TBC1D28: variants seen among roughly 807,000 people sequenced by gnomAD.
TBC1D28 encodes the protein TBC1 domain family member 28.
A neutral mutation model predicts 29.2 loss-of-function variants in TBC1D28; 20 were observed. The observed-to-expected ratio is 0.68, with a 90% CI of 0.48 to 0.99. The LOEUF (loss-of-function observed/expected upper bound fraction) is 0.99, where lower values mean the gene tolerates loss of function less well. Among genes scored for constraint, TBC1D28 ranks in the 50% least tolerant of loss-of-function variants. The probability of loss-of-function intolerance (pLI) is 0.00; values close to 1 mark genes in which losing one functional copy is unlikely to be tolerated. For missense variants in TBC1D28, 205 were observed against 243.7 expected (o/e 0.84, Z 1.06); for synonymous variants, 65 against 90.9 (o/e 0.71, Z 1.62).
chr17:18,639,198 G>A lies in TBC1D28; in HGVS notation c.175C>T (p.Arg59Cys), dbSNP rs200420569. 3.3e-5 allele frequency: 53 copies of A among 1,612,216 alleles called. No homozygotes were observed. Among genetic ancestry groups the A allele is most frequent in the Admixed American group, 8.3e-5 (5 of 59,902 alleles). ...ACCTTCACCTCCAGGGCACTGACGC[G>A]GGGCAGCTCCATCTCACTGTAAGGC... Residue 59 changes from arginine (R) to cysteine (C), a missense_variant, in exon 5 of 9, where the codon CGC becomes TGC. Arg to Cys is a radical substitution (Grantham distance 180). Transcript: ENST00000345096.
At chr17:18,641,406 C>T (rs377010759) in intron 2 of TBC1D28, 53 bp from the exon 4 acceptor site, 62 of 1,195,828 alleles carry the variant, frequency 5.2e-5, no homozygotes, top group Non-Finnish European at 7.4e-5. Context: ...CTCCAGAGAA[C>T]AGCCAAACCA....
chr17:18,638,697 CT>C lies in TBC1D28; in HGVS notation c.202del (p.Arg68AspfsTer48). 1 of 1,614,012 alleles carries C rather than the reference CT, an allele frequency of 6.2e-7. No homozygotes were observed. The highest frequency in any genetic ancestry group is 8.5e-7 in the Non-Finnish European group (1 of 1,179,890). ...GTTGGTACGTTTACTTTCCTTGCGT[CT>C]TTGCTGTCAAATGAGCCATGATGGA... On this transcript the variant is annotated frameshift_variant, in exon 6 of 9. Transcript: ENST00000345096. LOFTEE classifies it high-confidence loss of function.
chr17:18,638,547 A>T, intron 6 of TBC1D28, 74 bp downstream of exon 7: 2 of 1,488,728 alleles, frequency 1.3e-6, no homozygotes, highest in Non-Finnish European at 1.8e-6. Context: ...GCACCCACCC[A>T]GGCCAAAACC....
At chr17:18,637,672 T>A (rs2031563242) in intron 8 of TBC1D28, among the ~76,000 whole-genome samples, 192 bp downstream of exon 9, 1 of 152,098 alleles carries the variant, frequency 6.6e-6, no homozygotes, top group Non-Finnish European at 1.5e-5. Flanking sequence ...TGGCCCTACA[T>A]GTCCCAGCCC....
At chr17:18,642,289 G>A (rs2031808534) in exon 1 of TBC1D28, 1 of 152,304 alleles carries the variant, frequency 6.6e-6, no homozygotes, top group African/African-American at 2.4e-5. Flanking sequence ...GTGTCCAGTG[G>A]GTCCCACAGC....
At chr17:18,635,014 C>T (rs1446987874) in exon 9 of TBC1D28, 1 of 152,548 alleles carries the variant, frequency 6.6e-6, no homozygotes, top group Non-Finnish European at 1.5e-5. Flanking sequence ...CCTGGCCGCC[C>T]GCTACTACTC....
upstream of TBC1D28, among the ~76,000 whole-genome samples, chr17:18,643,911 C>T (rs1470823096): frequency 6.6e-6 from 1 of 152,232 alleles, no homozygotes; most frequent in Non-Finnish European, 1.5e-5. Flanking sequence ...CCCTCCACCA[C>T]ACCCATAGGA....
chr17:18,636,892 C>T (rs1157887944), intron 8 of TBC1D28, among the ~76,000 whole-genome samples: 3 of 119,198 alleles, frequency 2.5e-5, no homozygotes, highest in African/African-American at 1.1e-4. Flanking sequence ...TTGGGACGTG[C>T]AGTTCCACGA....
intron 8 of TBC1D28, 52 bp downstream of exon 9, chr17:18,637,812 C>T: frequency 6.2e-7 from 1 of 1,613,032 alleles, no homozygotes; most frequent in Non-Finnish European, 8.5e-7. Flanking sequence ...AACCTCATTC[C>T]TCTGGATTGC....
At chr17:18,641,384 C>T (rs751036944) in intron 2 of TBC1D28, 31 bp from the exon 4 acceptor site, 64 of 1,602,850 alleles carry the variant, frequency 4.0e-5, no homozygotes, top group South Asian at 1.0e-4. Flanking sequence ...AAGGCTCTCC[C>T]GCACCCAAGA....
exon 9 of TBC1D28, chr17:18,636,526 T>A: frequency 1.9e-6 from 3 of 1,613,524 alleles, no homozygotes; most frequent in Non-Finnish European, 2.5e-6. Context: ...GTACCAGGAA[T>A]ATCGCTGCCC....
At chr17:18,640,165 G>A (rs1164129922) in intron 4 of TBC1D28, among the ~76,000 whole-genome samples, 3 of 152,188 alleles carry the variant, frequency 2.0e-5, no homozygotes, top group Non-Finnish European at 2.9e-5. Context: ...CTGAGCCAGC[G>A]GGAAGCAGAA....
rs1332539305 is a variant in TBC1D28, at chr17:18,640,246, TG to T, written c.158+775del. Among the ~76,000 whole-genome samples the T allele has an allele frequency of 2.0e-5, 3 of 150,546 alleles. No homozygotes were observed. The East Asian group carries it at 6.2e-4, about 31-fold the overall frequency. On this transcript the variant is annotated intron_variant, in intron 4 of 8. Coordinates refer to ENST00000345096, the Ensembl canonical transcript of TBC1D28. ...CACTGAGGGGTCCCAGGTGAGCCAC[TG>T]TTCCCTGCCCACCCCATCTGTTGTC...
chr17:18,641,544 G>C (rs1459847343), intron 2 of TBC1D28, 88 bp downstream of exon 3: 3 of 645,548 alleles, frequency 4.6e-6, no homozygotes, highest in African/African-American at 3.7e-5. Flanking sequence ...CCTCCAACCA[G>C]TGGTGGGCTC....
chr17:18,639,234 G>A lies in TBC1D28; in HGVS notation c.159-20C>T, dbSNP rs532221759. 1.2e-6 allele frequency: 2 copies of A among 1,610,728 alleles called. No individual in the cohort carries two copies. Among genetic ancestry groups the A allele is most frequent in the Non-Finnish European group, 1.7e-6 (2 of 1,179,004 alleles). On this transcript the variant is annotated intron_variant, in intron 4 of 8. Transcript: ENST00000345096. ...ATCTCACTGTAAGGCAACCCAGGCA[G>A]AGCTGAGGACCTGCCCAGGCCAGGA...
chr17:18,636,266 C>T, exon 9 of TBC1D28: 2 of 1,367,848 alleles, frequency 1.5e-6, no homozygotes, highest in Middle Eastern at 5.4e-4. Context: ...AAACCTGTCT[C>T]CTACAAGGAC....
At chr17:18,638,778 T>C in intron 5 of TBC1D28, 77 bp from the exon 7 acceptor site, 1 of 1,599,718 alleles carries the variant, frequency 6.3e-7, no homozygotes, top group South Asian at 1.1e-5. Context: ...GGTCCAGGGC[T>C]TTGGGGCCCT....
intron 5 of TBC1D28, 87 bp from the exon 7 acceptor site, chr17:18,638,788 T>C (rs2031633672): frequency 2.6e-6 from 4 of 1,567,186 alleles, no homozygotes; most frequent in Admixed American, 3.4e-5. Flanking sequence ...TTTGGGGCCC[T>C]GAAGGGACCC....
At chr17:18,634,380 T>C (rs953247284), downstream of TBC1D28, among the ~76,000 whole-genome samples, 5 of 150,776 alleles carry the variant, frequency 3.3e-5, no homozygotes, top group African/African-American at 9.8e-5. Context: ...TGCAAAGGAG[T>C]CTTCCCACCT....
Sources: allele counts gnomAD v4.1 joint callset (sites outside exome capture counted in the v4.1 genomes callset), GRCh38; gene constraint gnomAD v4.1.1; transcripts MANE v1.5; gene names NCBI Gene and HGNC (gene_info 2026-07-23, HGNC 2026-07-21).